DDX5: variants seen among roughly 807,000 people sequenced by gnomAD.
The protein encoded by DDX5 is DEAD-box helicase 5.
DDX5 carries 6 observed loss-of-function variants against 68.6 expected under a neutral mutation model. That is an observed-to-expected ratio of 0.09 (90% CI 0.05 to 0.17). DDX5 has a LOEUF of 0.17. DDX5 is among the 10% of genes least tolerant of loss of function. DDX5 has a pLI of 1.00. For missense variants in DDX5, 499 were observed against 756.1 expected (o/e 0.66, Z 3.99); for synonymous variants, 350 against 247.0 (o/e 1.42, Z -3.91).
chr17:64,500,893 TAC>T (rs1186442523), intron 11 of DDX5, 120 bp from the exon 12 acceptor site: 35 of 707,090 alleles, frequency 4.9e-5, no homozygotes, highest in South Asian at 1.6e-4. Flanking sequence ...CTGCAAAAAA[TAC>T]AGTTAAAATG....
chr17:64,503,158 G>A, intron 7 of DDX5, 30 bp downstream of exon 7: 3 of 1,613,102 alleles, frequency 1.9e-6, no homozygotes, highest in Non-Finnish European at 8.5e-7. Flanking sequence ...ACACAATTCA[G>A]TTTGATCACA....
chr17:64,501,721 A>G, intron 11 of DDX5: 1 of 462,784 alleles, frequency 2.2e-6, no homozygotes, highest in South Asian at 3.1e-5. Context: ...TTTCCCTCGG[A>G]GAGAACAGTT....
At position 64,500,227 on chromosome 17, in the gene DDX5, T is replaced by C. The variant is rs781941504; in HGVS notation, c.1541A>G (p.Tyr514Cys). 1 of 1,614,192 alleles carries C rather than the reference T, an allele frequency of 6.2e-7. No homozygotes were observed. Among genetic ancestry groups the C allele is most frequent in the Non-Finnish European group, 8.5e-7 (1 of 1,180,020 alleles). The change falls in exon 13 of 13, where the codon TAT (tyrosine) becomes TGT (cysteine). Residue 514 changes from tyrosine to cysteine, a missense_variant. This residue lies in a region of DDX5 where 171 missense variants were observed against 174.8 expected (regional missense o/e 0.98). Transcript: ENST00000225792. ...AAGCAGGCTAGAGTAACCTCTGTCATAATTTTCCCTGTCTCTAAAGGTATT... is the reference window on the plus strand; with the variant it reads ...AAGCAGGCTAGAGTAACCTCTGTCACAATTTTCCCTGTCTCTAAAGGTATT... Reference protein sequence around the residue: ...GFNTFRDRENYDRGYSSLLKR... With the variant: ...GFNTFRDRENCDRGYSSLLKR...
chr17:64,500,137 C>G lies in DDX5; in HGVS notation c.1631G>C (p.Ser544Thr). ...AGCAGACACAAAATTACTTCCAAAG[C>G]TCCCATTGGTGTAATTTGCAGCACT... Reference protein sequence around the residue: ...VYSAANYTNGSFGSNFVSAGI... With the variant: ...VYSAANYTNGTFGSNFVSAGI... The change falls in exon 13 of 13, where the codon AGC becomes ACC. Residue 544 changes from serine (S) to threonine (T), a missense_variant. Transcript: ENST00000225792. 2 of 1,614,220 alleles carry G rather than the reference C, an allele frequency of 1.2e-6. No homozygotes were observed. Among genetic ancestry groups the G allele is most frequent in the Non-Finnish European group, 1.7e-6 (2 of 1,180,038 alleles).
chr17:64,499,147 T>G lies in DDX5; in HGVS notation c.*776A>C, dbSNP rs1295420323. Among the ~76,000 whole-genome samples the G allele has an allele frequency of 6.6e-6, 1 of 152,184 alleles. No individual in the cohort carries two copies. The highest frequency in any genetic ancestry group is 1.5e-5 in the Non-Finnish European group (1 of 68,038). On this transcript the variant is annotated 3_prime_UTR_variant, in exon 13 of 13. Transcript: ENST00000225792. ...AGGGCTAATGTATGTCTTTCACAGGTTTGTTCAACATTTCAGTAATTCACA... is the reference window on the plus strand; with the variant it reads ...AGGGCTAATGTATGTCTTTCACAGGGTTGTTCAACATTTCAGTAATTCACA...
At chr17:64,504,167 A>G (rs543536159) in intron 3 of DDX5, 51 bp from the exon 4 acceptor site, 12 of 1,612,558 alleles carry the variant, frequency 7.4e-6, no homozygotes, top group East Asian at 6.7e-5. Flanking sequence ...CAAGAAAAAG[A>G]GGGGGTAGGT....
chr17:64,504,578 C>T (rs1397346034), intron 2 of DDX5, 99 bp downstream of exon 2: 2 of 1,393,960 alleles, frequency 1.4e-6, no homozygotes, highest in Non-Finnish European at 2.0e-6. Context: ...ACATGTAACT[C>T]TACCAAAATT....
intron 1 of DDX5, chr17:64,505,505 C>T (rs1475205973): frequency 5.0e-6 from 3 of 596,896 alleles, no homozygotes; most frequent in Non-Finnish European, 8.9e-6. Flanking sequence ...GCGCTTCCCC[C>T]TTTGTCTCGC....
chr17:64,506,090 G>T lies in DDX5; in HGVS notation c.30C>A (p.Arg10=). The change falls in exon 1 of 13, where the codon CGC becomes CGA. Residue 10 remains arginine (R), a synonymous_variant. Coordinates refer to ENST00000225792, the MANE Select transcript of DDX5 (RefSeq NM_004396.5). MSGYSSDRD[R]GRDRGFGAPR... is the part of the protein sequence containing the mutation. Reference sequence around the variant, plus strand: ...CCCAAACTCACCCTCGGTCCCGGCCGCGGTCTCGGTCACTCGAATAACCCG... The same window carrying T: ...CCCAAACTCACCCTCGGTCCCGGCCTCGGTCTCGGTCACTCGAATAACCCG... 7.1e-7 allele frequency: 1 copy of T among 1,413,356 alleles called. No homozygotes were observed. The highest frequency in any genetic ancestry group is 9.5e-7 in the Non-Finnish European group (1 of 1,058,136). 87.6% of individuals were successfully genotyped at this position (1,413,356 alleles called of 1,614,324 possible).
intron 2 of DDX5, 156 bp from the exon 3 acceptor site, chr17:64,504,474 A>T (rs2038375945): frequency 2.2e-6 from 2 of 926,496 alleles, no homozygotes; most frequent in South Asian, 3.6e-5. Context: ...ATGAAAAAAA[A>T]AATTTATTGT....
chr17:64,506,018 T>TGGG, intron 1 of DDX5, 58 bp downstream of exon 1: 19 of 1,309,308 alleles, frequency 1.5e-5, no homozygotes, highest in Middle Eastern at 2.6e-4. Context: ...GCCGCCACCC[T>TGGG]GACCCGCCCT....
rs1392052333 is a variant in DDX5 at position 64,499,547 on chromosome 17, A to C, written c.*376T>G. On this transcript the variant is annotated 3_prime_UTR_variant, in exon 13 of 13. Coordinates refer to ENST00000225792, the MANE Select transcript of DDX5 (RefSeq NM_004396.5). ...TGGAAAAAAAAAACCAAACAAAAAC[A>C]AAAAAAAAACCAGACCATCTTAAGC... 2.4e-5 allele frequency: 5 copies of C among 212,322 alleles called. No individual in the cohort carries two copies. The Admixed American group carries it at 3.0e-4, about 13-fold the overall frequency. 13.2% of individuals were successfully genotyped at this position (212,322 alleles called of 1,614,324 possible).
chr17:64,503,675 A>T (rs1423699813), intron 5 of DDX5, 104 bp from the exon 6 acceptor site: 2 of 1,547,118 alleles, frequency 1.3e-6, no homozygotes, highest in African/African-American at 2.8e-5. Flanking sequence ...CCAATACCCA[A>T]AACAGCTCCA....
At chr17:64,505,497 G>A (rs1317941196) in intron 1 of DDX5, 2 of 584,842 alleles carry the variant, frequency 3.4e-6, no homozygotes, top group Admixed American at 3.0e-5. Context: ...CTGGGGCGGC[G>A]CTTCCCCCTT....
At chr17:64,505,933 A>G (rs1181776461) in intron 1 of DDX5, 143 bp downstream of exon 1, 7 of 1,534,424 alleles carry the variant, frequency 4.6e-6, no homozygotes, top group African/African-American at 1.4e-5. Flanking sequence ...GAATATCAAA[A>G]TGGCGCAAGC....
chr17:64,500,804 A>G, intron 11 of DDX5, 31 bp from the exon 12 acceptor site: 8 of 1,546,838 alleles, frequency 5.2e-6, no homozygotes, highest in Non-Finnish European at 7.1e-6. Flanking sequence ...GCAAAATAGC[A>G]ATGTACGGAG....
At position 64,504,663 on chromosome 17, in the gene DDX5, A is replaced by G; in HGVS notation, c.210+14T>C. ...TCGAGTTACAGCCTGATGAAGCCAC[A>G]TGAATTTACTCACTGCTGTGCGCCT... On this transcript the variant is annotated intron_variant, in intron 2 of 12. Transcript: ENST00000225792. The G allele has an allele frequency of 4.4e-6, 7 of 1,595,902 alleles. No individual in the cohort carries two copies. Among genetic ancestry groups the G allele is most frequent in the South Asian group, 1.1e-5 (1 of 87,930 alleles).
chr17:64,505,355 G>T (rs371852967), intron 1 of DDX5: 11 of 422,716 alleles, frequency 2.6e-5, no homozygotes, highest in African/African-American at 1.0e-4. Context: ...AAACCCAGCT[G>T]GGGGAACGCC....
rs562194842 is a variant in DDX5, at chr17:64,502,658, C to T, written c.984-109G>A. ...AAGTTCAATTTACATGGCTGGAAGT[C>T]AAAGAGGAAACGCCTGCTAATCCAC... On this transcript the variant is annotated intron_variant, in intron 8 of 12. Transcript: ENST00000225792. 46 of 871,928 alleles carry T rather than the reference C, an allele frequency of 5.3e-5. 1 individual carries two copies. The South Asian group carries it at 6.1e-4, about 12-fold the overall frequency. The allele number at this position is 871,928 out of a possible 1,614,324, so 54.0% of individuals were successfully genotyped here. A position where few individuals can be genotyped will look rare whatever the true frequency, so the allele number is the denominator to read the frequency against.
Sources: gnomAD v4.1 joint callset for allele counts (sites outside exome capture counted in the v4.1 genomes callset) on GRCh38, gnomAD v4.1.1 for gene constraint, gnomAD v4.1.1 regional missense constraint, MANE v1.5 for transcripts, NCBI Gene and HGNC (gene_info 2026-07-23, HGNC 2026-07-21) for gene names.